The following RGPD3 variants were observed in gnomAD, a reference collection of about 807,000 sequenced individuals.
The protein encoded by RGPD3 is RANBP2 like and GRIP domain containing 3, also known as ranBP2-like and GRIP domain-containing protein 3.
A neutral mutation model predicts 154.5 loss-of-function variants in RGPD3; 62 were observed. The observed-to-expected ratio is 0.40, with a 90% CI of 0.33 to 0.50. RGPD3 has a LOEUF of 0.50. RGPD3 is among the 20% of genes least tolerant of loss of function. RGPD3 has a pLI of 0.59. For synonymous variants in RGPD3, 308 were observed against 607.0 expected, an observed-to-expected ratio of 0.51 and a Z score of 7.24; for missense variants, 919 against 1,716.8, an observed-to-expected ratio of 0.54 and a Z score of 8.21.
chr2:106,425,493 GTAT>G (rs1019185887), intron 19 of RGPD3, among the ~76,000 whole-genome samples: 4 of 127,112 alleles, frequency 3.1e-5, no homozygotes, highest in African/African-American at 8.9e-5. Context: ...ATGAATTAAG[GTAT>G]TATTATTATC....
chr2:106,434,214 A>C lies in RGPD3; in HGVS notation c.2205+14T>G. 1 of 1,588,266 alleles carries C rather than the reference A, an allele frequency of 6.3e-7. No individual in the cohort carries two copies. Among genetic ancestry groups the C allele is most frequent in the African/African-American group, 1.4e-5 (1 of 73,500 alleles). On this transcript the variant is annotated intron_variant, in intron 15 of 22. Transcript: ENST00000409886. The stretch of plus-strand genomic sequence containing the variant: ...TTATCAGTAAGAACGTACATACAAC[A>C]ACCTGCTACTTACTTTCTTGACCAC...
intron 22 of RGPD3, among the ~76,000 whole-genome samples, chr2:106,411,838 A>C (rs1676680992): frequency 6.6e-6 from 1 of 152,144 alleles, no homozygotes; most frequent in African/African-American, 2.4e-5. Flanking sequence ...AAACACAACA[A>C]CAAAATAAAG....
chr2:106,462,375 A>C (rs1678430250), intron 1 of RGPD3, among the ~76,000 whole-genome samples: 1 of 151,148 alleles, frequency 6.6e-6, no homozygotes, highest in African/African-American at 2.4e-5. Flanking sequence ...AGGGAACTGA[A>C]GCTCAAGCAG....
chr2:106,409,753 G>T (rs1676612433), intron 22 of RGPD3, among the ~76,000 whole-genome samples: 1 of 150,232 alleles, frequency 6.7e-6, no homozygotes, highest in South Asian at 2.1e-4. Flanking sequence ...CTGTATTCTT[G>T]TCTCTCCTTT....
At chr2:106,465,055 A>G (rs2919218) in intron 1 of RGPD3, among the ~76,000 whole-genome samples, 48 of 151,814 alleles carry the variant, frequency 3.2e-4, no homozygotes, top group South Asian at 1.5e-3. Context: ...AAATGAAAGC[A>G]CAATGGAAGA....
In RGPD3 at chr2:106,464,223, G is replaced by A. The variant is rs1227701916; in HGVS notation, c.72+3994C>T. Among the ~76,000 whole-genome samples the A allele has an allele frequency of 2.6e-5, 4 of 151,058 alleles. No individual in the cohort carries two copies. The South Asian group carries it at 6.3e-4, about 24-fold the overall frequency. The stretch of plus-strand genomic sequence containing the variant: ...TAGCCGGGTGTTGTGGCGGGTGCCC[G>A]TAGTCCCAGCTACAGGCTGGGGCAG... On this transcript the variant is annotated intron_variant, in intron 1 of 22. Coordinates refer to ENST00000409886, the MANE Select transcript of RGPD3 (RefSeq NM_001144013.2).
chr2:106,456,910 A>T, intron 4 of RGPD3, 61 bp downstream of exon 4: 1 of 1,588,228 alleles, frequency 6.3e-7, no homozygotes, highest in Non-Finnish European at 8.5e-7. Context: ...AGTAATTTAA[A>T]CTCCAAATAT....
At chr2:106,465,416 G>C (rs889421822) in intron 1 of RGPD3, among the ~76,000 whole-genome samples, 6 of 152,128 alleles carry the variant, frequency 3.9e-5, no homozygotes, top group African/African-American at 1.4e-4. Context: ...ATAACCAATC[G>C]TCAAAATCTT....
chr2:106,464,354 A>G (rs1352293368), intron 1 of RGPD3, among the ~76,000 whole-genome samples: 1 of 151,600 alleles, frequency 6.6e-6, no homozygotes, highest in East Asian at 1.9e-4. Flanking sequence ...AAAAAAAAAA[A>G]AAGAAAAGAA....
At position 106,423,711 on chromosome 2, in the gene RGPD3, T is replaced by C. The variant is rs745647989; in HGVS notation, c.4256A>G (p.Asn1419Ser). 1.7e-5 allele frequency: 27 copies of C among 1,611,124 alleles called. 1 individual carries two copies. In the South Asian group the frequency reaches 2.9e-4, roughly 17 times the overall value. ...CCATACTCTTTCTGTCCCTTTCATA[T>C]TTTGCAAACTCATGTCTGGAGTTAT... ...HRITPDMSLQ[N>S]MKGTERVWVW... Residue 1419 changes from asparagine (N) to serine (S), a missense_variant, in exon 20 of 23, where the codon AAT (asparagine) becomes AGT (serine). Transcript: ENST00000409886.
At chr2:106,421,539 C>T (rs1676986823) in intron 20 of RGPD3, among the ~76,000 whole-genome samples, 1 of 150,900 alleles carries the variant, frequency 6.6e-6, no homozygotes, top group Non-Finnish European at 1.5e-5. Context: ...TTTCACTTCC[C>T]TAACCTGTTC....
chr2:106,427,008 C>T (rs1239364366), intron 18 of RGPD3, among the ~76,000 whole-genome samples: 1 of 151,226 alleles, frequency 6.6e-6, no homozygotes, highest in African/African-American at 2.4e-5. Flanking sequence ...GCCCAAGAAT[C>T]TTAAAGTCTT....
chr2:106,405,188 A>G lies in RGPD3; in HGVS notation c.*31T>C. ...CGAAGTCCAAACCAACTACGAAGAT[A>G]GGATGCCCATCCAGAAGAACGGGAA... On this transcript the variant is annotated 3_prime_UTR_variant, in exon 23 of 23. Transcript: ENST00000409886. 1.3e-5 allele frequency: 21 copies of G among 1,609,536 alleles called. No individual in the cohort carries two copies. The highest frequency in any genetic ancestry group is 1.8e-5 in the Non-Finnish European group (21 of 1,178,634).
chr2:106,406,613 T>G (rs377579422), intron 22 of RGPD3, among the ~76,000 whole-genome samples: 7,281 of 150,028 alleles, frequency 0.049, 73 homozygotes, highest in Middle Eastern at 0.079. Context: ...TACGAATAAT[T>G]GTGTACAGGT....
At chr2:106,465,560 C>CT (rs761873994) in intron 1 of RGPD3, among the ~76,000 whole-genome samples, 103,473 of 136,410 alleles carry the variant, frequency 0.76, 39,232 homozygotes, top group East Asian at 0.99. Flanking sequence ...TCTAAGCTTG[C>CT]TTTTTTTTTT....
At chr2:106,420,651 G>T (rs1309444071) in intron 20 of RGPD3, among the ~76,000 whole-genome samples, 3 of 152,294 alleles carry the variant, frequency 2.0e-5, no homozygotes, top group Non-Finnish European at 4.4e-5. Context: ...ATATTAATTA[G>T]AAGTTAAAAT....
At position 106,411,180 on chromosome 2, in the gene RGPD3, C is replaced by T. The variant is rs1432966508; in HGVS notation, c.5266+1904G>A. Among the ~76,000 whole-genome samples, 379 of 143,314 alleles carry T rather than the reference C, an allele frequency of 2.6e-3. 5 individuals are homozygous for T. The highest frequency in any genetic ancestry group is 0.022 in the Admixed American group (304 of 13,548). 94.0% of individuals were successfully genotyped at this position (143,314 alleles called of 152,430 possible). ...GTATACCAGATGATTCAGATGCCTG[C>T]TCAATTTTGAGGATGACTCTTATCA... On this transcript the variant is annotated intron_variant, in intron 22 of 22. Coordinates refer to ENST00000409886, the MANE Select transcript of RGPD3 (RefSeq NM_001144013.2).
In RGPD3 at chr2:106,468,247, C is replaced by A. The variant is rs756324622; in HGVS notation, c.42G>T (p.Ser14=). 1 of 1,607,964 alleles carries A rather than the reference C, an allele frequency of 6.2e-7. No homozygotes were observed. Residue 14 remains serine, a synonymous_variant, in exon 1 of 23, where the codon TCG becomes TCT. Coordinates refer to ENST00000409886, the MANE Select transcript of RGPD3 (RefSeq NM_001144013.2). The part of the protein sequence containing the change: ...SKAYGERYVA[S]VQGSAPSPRK... ...GAGGCGACGGGGCGGAGCCCTGCAC[C>A]GAGGCGACGTACCGCTCCCCGTAGG... is the stretch of plus-strand genomic sequence containing the variant.
intron 20 of RGPD3, among the ~76,000 whole-genome samples, chr2:106,421,081 T>C (rs1284380792): frequency 3.3e-5 from 5 of 152,210 alleles, no homozygotes; most frequent in Non-Finnish European, 5.9e-5. Context: ...ATTTCCTAGC[T>C]AGGAGAAATA....
Sources: allele counts gnomAD v4.1 joint callset (sites outside exome capture counted in the v4.1 genomes callset), GRCh38; gene constraint gnomAD v4.1.1; transcripts MANE v1.5; gene names NCBI Gene and HGNC (gene_info 2026-07-23, HGNC 2026-07-21).